The following SMARCAL1 variants were observed in gnomAD, a reference collection of about 807,000 sequenced individuals.
The protein encoded by SMARCAL1 is ATP-driven annealing helicase.
Under a neutral mutation model 94.5 loss-of-function variants are expected in SMARCAL1, and 58 were observed. The observed-to-expected ratio is 0.61, with a 90% CI of 0.50 to 0.76. The LOEUF (loss-of-function observed/expected upper bound fraction) is 0.76. Ranked by LOEUF, SMARCAL1 falls within the 30% of genes least tolerant of loss-of-function variation. The probability of loss-of-function intolerance (pLI) is 0.00; values close to 1 mark genes in which losing one functional copy is unlikely to be tolerated. For synonymous variants in SMARCAL1, 422 were observed against 455.1 expected (o/e 0.93, Z 0.93); for missense variants, 1,051 against 1,177.9 (o/e 0.89, Z 1.58).
At chr2:216,459,648 CTG>C (rs1694652134) in intron 12 of SMARCAL1, among the ~76,000 whole-genome samples, 1 of 152,098 alleles carries the variant, frequency 6.6e-6, no homozygotes, top group African/African-American at 2.4e-5. Flanking sequence ...AAAGCTGAAA[CTG>C]GATCCCTTCC....
Position 216,475,343 on chromosome 2 carries a change from G to A in SMARCAL1, c.2319G>A (p.Leu773=). Residue 773 remains leucine, a synonymous_variant, in exon 15 of 18, where the codon CTG becomes CTA. Transcript: ENST00000357276. The surrounding 1 kb of genome is among the most constrained non-coding windows in gnomAD (Gnocchi z 4.4). ...AGGACCTGTGCCAGCAGTTCCAACT[G>A]TCGGAGAGGCATGCTGTGGCCGTGC... is the stretch of plus-strand genomic sequence containing the variant. ...EREDLCQQFQ[L]SERHAVAVLS... The A allele has an allele frequency of 2.5e-6, 4 of 1,614,210 alleles. No homozygotes were observed. The highest frequency in any genetic ancestry group is 3.4e-6 in the Non-Finnish European group (4 of 1,180,044).
At chr2:216,462,141 G>A (rs1355769233) in intron 12 of SMARCAL1, among the ~76,000 whole-genome samples, 2 of 152,230 alleles carry the variant, frequency 1.3e-5, no homozygotes, top group African/African-American at 4.8e-5. Flanking sequence ...TATAATAAAA[G>A]TGTTTGTTTC....
rs1427842714 is a variant in SMARCAL1 at position 216,467,831 on chromosome 2, G to T, written c.2142-113G>T. 5.4e-6 allele frequency: 4 copies of T among 746,726 alleles called. No homozygotes were observed. In the African/African-American group the frequency reaches 6.9e-5, roughly 13 times the overall value. 46.3% of individuals were successfully genotyped at this position (746,726 alleles called of 1,614,324 possible). ...GATAGTCGGAGGTAAAGTGAAAACT[G>T]TTGATCATCTTCTATGATCCCAGAT... is the stretch of plus-strand genomic sequence containing the variant. On this transcript the variant is annotated intron_variant, in intron 13 of 17. Transcript: ENST00000357276.
chr2:216,450,315 TACA>T (rs1456998924), intron 11 of SMARCAL1, among the ~76,000 whole-genome samples: 1 of 152,268 alleles, frequency 6.6e-6, no homozygotes, highest in Admixed American at 6.5e-5. Context: ...AGCTGCCATC[TACA>T]ACAACACTGC....
At chr2:216,461,552 G>C (rs1377316104) in intron 12 of SMARCAL1, among the ~76,000 whole-genome samples, 4 of 152,132 alleles carry the variant, frequency 2.6e-5, no homozygotes, top group African/African-American at 4.8e-5. Flanking sequence ...ATTTAGCCAG[G>C]TGTGCTGGCT....
chr2:216,482,450 T>G lies in SMARCAL1; in HGVS notation c.2626-288T>G, dbSNP rs1695221154. ...TTGGAAAGTTCAAAGGGAGAAAACA[T>G]TTCCAATGTAAATTATAGCGTGAGA... is the stretch of plus-strand genomic sequence containing the variant. On this transcript the variant is annotated intron_variant, in intron 17 of 17. Coordinates refer to ENST00000357276, the MANE Select transcript of SMARCAL1 (RefSeq NM_014140.4). This position sits in a 1 kb window ranked among gnomAD's most constrained non-coding sequence, Gnocchi z 4.3. Among the ~76,000 whole-genome samples, 1 of 152,188 alleles carries G rather than the reference T, an allele frequency of 6.6e-6. No homozygotes were observed. The highest frequency in any genetic ancestry group is 1.5e-5 in the Non-Finnish European group (1 of 68,026).
rs202031614 is a variant in SMARCAL1, at chr2:216,415,044, C to G, written c.340C>G (p.Arg114Gly). ...CACAGCCTGCCCAGGCCACAGTCCA[C>G]GTAGTCAAATGGCTCTCACTGGAAT... Reference protein sequence around the residue: ...MPTACPGHSPRSQMALTGISP... With the variant: ...MPTACPGHSPGSQMALTGISP... Residue 114 changes from arginine (R) to glycine (G), a missense_variant, in exon 3 of 18, where the codon CGT (arginine) becomes GGT (glycine). Arg to Gly is a moderately radical substitution (Grantham distance 125). Transcript: ENST00000357276. 322 of 1,614,188 alleles carry G rather than the reference C, an allele frequency of 2.0e-4. 4 individuals carry two copies. The South Asian group carries it at 2.7e-3, about 13-fold the overall frequency.
chr2:216,428,463 AT>A, intron 6 of SMARCAL1, 132 bp from the exon 7 acceptor site: 1 of 827,150 alleles, frequency 1.2e-6, no homozygotes, highest in Non-Finnish European at 2.0e-6. Flanking sequence ...ACTAGAAGAG[AT>A]TTCTCCACCC....
intron 4 of SMARCAL1, among the ~76,000 whole-genome samples, chr2:216,419,636 T>C (rs1693671242): frequency 6.6e-6 from 1 of 152,190 alleles, no homozygotes; most frequent in Non-Finnish European, 1.5e-5. Context: ...CTTCAGTGGC[T>C]TCTCCGACAC....
intron 12 of SMARCAL1, chr2:216,451,274 G>A (rs771595002): frequency 2.1e-5 from 12 of 574,564 alleles, no homozygotes; most frequent in South Asian, 3.9e-5. Flanking sequence ...TTTTATACTT[G>A]TATAGATCGC....
intron 10 of SMARCAL1, among the ~76,000 whole-genome samples, chr2:216,445,062 T>C (rs940346654): frequency 6.6e-6 from 1 of 152,228 alleles, no homozygotes; most frequent in East Asian, 1.9e-4. Flanking sequence ...TTCGATTTCT[T>C]GGGTGTTGCT....
chr2:216,464,362 T>C (rs1345544220), intron 12 of SMARCAL1, among the ~76,000 whole-genome samples: 1 of 152,200 alleles, frequency 6.6e-6, no homozygotes, highest in Non-Finnish European at 1.5e-5. Flanking sequence ...ATTCTTGCAA[T>C]GGTTCTTGGA....
Position 216,482,638 on chromosome 2 carries a change from G to A in SMARCAL1, c.2626-100G>A. On this transcript the variant is annotated intron_variant, in intron 17 of 17. Transcript: ENST00000357276. This position sits in a 1 kb window ranked among gnomAD's most constrained non-coding sequence, Gnocchi z 4.3. Reference sequence around the variant, plus strand: ...GCTCCCTGACACCATGAAATGTGTGGTCTCTCATCTTTATATTCTCTCATC... The same window carrying A: ...GCTCCCTGACACCATGAAATGTGTGATCTCTCATCTTTATATTCTCTCATC... The A allele has an allele frequency of 6.6e-7, 1 of 1,525,126 alleles. No homozygotes were observed. The allele number at this position is 1,525,126 out of a possible 1,614,324, so 94.5% of individuals were successfully genotyped here. A position where few individuals can be genotyped will look rare whatever the true frequency, so the allele number is the denominator to read the frequency against.
At chr2:216,463,355 G>T (rs1159705567) in intron 12 of SMARCAL1, among the ~76,000 whole-genome samples, 1 of 152,178 alleles carries the variant, frequency 6.6e-6, no homozygotes, top group East Asian at 1.9e-4. Flanking sequence ...GGAAGTTCAA[G>T]ATCAAGTGGC....
intron 12 of SMARCAL1, among the ~76,000 whole-genome samples, chr2:216,452,590 T>TTCACCTCCTGAACCAGTTTGAGAACAG (rs577451357): frequency 0.014 from 2,197 of 152,232 alleles, 65 homozygotes; most frequent in African/African-American, 0.051. Flanking sequence ...CAATACCTGG[T>TTCACCTCCTGAACCAGTTTGAGAACAG]TCACCTCCTG....
Position 216,482,691 on chromosome 2 carries a change from G to A in SMARCAL1, c.2626-47G>A. The A allele has an allele frequency of 2.5e-6, 4 of 1,613,974 alleles. No homozygotes were observed. The highest frequency in any genetic ancestry group is 1.7e-4 in the Middle Eastern group (1 of 6,056). ...CCCTAGTGGAGGAGAGTCAGTGTTGGAGCCTGGGCTCTTCCTTTTATCTTT... is the reference window on the plus strand; with the variant it reads ...CCCTAGTGGAGGAGAGTCAGTGTTGAAGCCTGGGCTCTTCCTTTTATCTTT... On this transcript the variant is annotated intron_variant, in intron 17 of 17. Transcript: ENST00000357276. This position sits in a 1 kb window ranked among gnomAD's most constrained non-coding sequence, Gnocchi z 4.3.
intron 9 of SMARCAL1, among the ~76,000 whole-genome samples, chr2:216,436,157 C>T (rs138846006): frequency 0.018 from 2,735 of 152,178 alleles, 60 homozygotes; most frequent in African/African-American, 0.063. Context: ...TTAGTAGAGA[C>T]GGGGTTTCAC....
chr2:216,473,512 A>G (rs1246163321), intron 14 of SMARCAL1, among the ~76,000 whole-genome samples: 1 of 152,034 alleles, frequency 6.6e-6, no homozygotes, highest in Non-Finnish European at 1.5e-5. Context: ...GAGACCCCTA[A>G]ATCTGCAGAA....
At chr2:216,478,119 A>G in intron 16 of SMARCAL1, 84 bp from the exon 17 acceptor site, 1 of 1,062,140 alleles carries the variant, frequency 9.4e-7, no homozygotes. Context: ...GTTGTCCCAT[A>G]AGAACAAGGA....
Sources: allele counts gnomAD v4.1 joint callset (sites outside exome capture counted in the v4.1 genomes callset), GRCh38; gene constraint gnomAD v4.1.1; non-coding constraint Gnocchi (gnomAD v3.1); transcripts MANE v1.5; gene names NCBI Gene and HGNC (gene_info 2026-07-23, HGNC 2026-07-21).